The following DCDC2 variants were observed in gnomAD, a reference collection of about 807,000 sequenced individuals.
DCDC2 encodes doublecortin domain containing 2, also known as doublecortin domain-containing protein 2.
DCDC2 carries 40 observed loss-of-function variants against 50.2 expected under a neutral mutation model. The ratio of observed to expected loss-of-function variants is 0.80; its 90% CI spans 0.62 to 1.04. DCDC2 has a LOEUF of 1.04. DCDC2 is among the 50% of genes least tolerant of loss of function. The probability of loss-of-function intolerance (pLI) is 0.00; values close to 1 mark genes in which losing one functional copy is unlikely to be tolerated. For missense variants in DCDC2, 570 were observed against 581.9 expected (o/e 0.98, Z 0.21); for synonymous variants, 234 against 210.6 (o/e 1.11, Z -0.96).
At chr6:24,214,670 T>C (rs1761938580) in intron 7 of DCDC2, among the ~76,000 whole-genome samples, 1 of 152,240 alleles carries the variant, frequency 6.6e-6, no homozygotes, top group Non-Finnish European at 1.5e-5. Flanking sequence ...AAATTAGTTT[T>C]AGTTCATCAG....
intron 7 of DCDC2, among the ~76,000 whole-genome samples, chr6:24,248,393 G>A (rs929172558): frequency 1.3e-5 from 2 of 152,160 alleles, no homozygotes; most frequent in Admixed American, 6.5e-5. Context: ...CTGTAAAACT[G>A]AGATAGTAGC....
chr6:24,255,512 C>A (rs190697631), intron 7 of DCDC2, among the ~76,000 whole-genome samples: 281 of 151,964 alleles, frequency 1.8e-3, no homozygotes, highest in African/African-American at 6.4e-3. Context: ...TGATGACAAG[C>A]CACAGAATGG....
At chr6:24,254,604 G>T (rs1762856046) in intron 7 of DCDC2, among the ~76,000 whole-genome samples, 1 of 152,044 alleles carries the variant, frequency 6.6e-6, no homozygotes, top group African/African-American at 2.4e-5. Context: ...ACTTAACAAT[G>T]ATTTTATTTA....
chr6:24,358,700 T>TA (rs200285297), upstream of DCDC2, among the ~76,000 whole-genome samples: 46,598 of 102,056 alleles, frequency 0.46, 11,629 homozygotes, highest in Non-Finnish European at 0.54. Context: ...AAATATATAT[T>TA]TTTTTTATAT....
intron 7 of DCDC2, among the ~76,000 whole-genome samples, chr6:24,234,760 T>C (rs1015850346): frequency 1.3e-5 from 2 of 152,190 alleles, no homozygotes. Flanking sequence ...GTTTTAGGGA[T>C]GTTGGGTACA....
At chr6:24,248,635 G>T (rs981503668) in intron 7 of DCDC2, among the ~76,000 whole-genome samples, 2 of 152,026 alleles carry the variant, frequency 1.3e-5, no homozygotes, top group African/African-American at 4.8e-5. Flanking sequence ...ACTAAGAGGC[G>T]AATTTAATTT....
intron 2 of DCDC2, among the ~76,000 whole-genome samples, chr6:24,312,961 T>C (rs1268215783): frequency 6.6e-6 from 1 of 152,172 alleles, no homozygotes; most frequent in Non-Finnish European, 1.5e-5. Flanking sequence ...AATGTAAGTA[T>C]ATATTAAGTA....
intron 6 of DCDC2, among the ~76,000 whole-genome samples, chr6:24,285,166 T>C (rs1037737771): frequency 6.6e-6 from 1 of 152,052 alleles, no homozygotes; most frequent in Non-Finnish European, 1.5e-5. Flanking sequence ...GTGAGTATGT[T>C]TGGAATGGAT....
At chr6:24,212,583 T>C (rs774754210) in intron 7 of DCDC2, among the ~76,000 whole-genome samples, 3 of 152,204 alleles carry the variant, frequency 2.0e-5, no homozygotes, top group African/African-American at 4.8e-5. Context: ...AGCCATTTGC[T>C]AACAAACTAA....
intron 6 of DCDC2, among the ~76,000 whole-genome samples, chr6:24,279,518 T>C (rs979697178): frequency 1.3e-5 from 2 of 152,110 alleles, no homozygotes; most frequent in African/African-American, 2.4e-5. Flanking sequence ...GAGTTTGAGA[T>C]TGCAGTGTGC....
intron 6 of DCDC2, among the ~76,000 whole-genome samples, chr6:24,282,435 G>A (rs1415671729): frequency 6.6e-6 from 1 of 151,384 alleles, no homozygotes; most frequent in Non-Finnish European, 1.5e-5. Context: ...TAGAGAAGGG[G>A]TTTCACCATG....
Position 24,238,233 on chromosome 6 carries a change from G to T in DCDC2, c.923-33131C>A, listed in dbSNP as rs186380473. 3.1e-3 allele frequency among the ~76,000 whole-genome samples: 438 copies of T among 140,068 alleles called. 5 individuals carry two copies. The highest frequency in any genetic ancestry group is 0.011 in the African/African-American group (411 of 36,582). 91.9% of individuals were successfully genotyped at this position (140,068 alleles called of 152,430 possible). A position where few individuals can be genotyped will look rare whatever the true frequency, so the allele number is the denominator to read the frequency against. ...TCTAAAACCACTGATTGTGATCCTG[G>T]GGTGTAATCATCCCTGCACAAGTCA... On this transcript the variant is annotated intron_variant, in intron 7 of 9. Coordinates refer to ENST00000378454, the MANE Select transcript of DCDC2 (RefSeq NM_016356.5).
chr6:24,199,159 C>T (rs1481968546), intron 8 of DCDC2, among the ~76,000 whole-genome samples: 1 of 152,228 alleles, frequency 6.6e-6, no homozygotes, highest in Non-Finnish European at 1.5e-5. Context: ...TCGAGCTCTG[C>T]TAAGGGATGG....
intron 2 of DCDC2, among the ~76,000 whole-genome samples, chr6:24,319,965 CCT>C (rs1759742246): frequency 6.6e-6 from 1 of 152,002 alleles, no homozygotes; most frequent in East Asian, 1.9e-4. Context: ...AACAAATGAA[CCT>C]AACTGTGTTA....
At chr6:24,280,432 G>C (rs1160114710) in intron 6 of DCDC2, among the ~76,000 whole-genome samples, 1 of 149,956 alleles carries the variant, frequency 6.7e-6, no homozygotes, top group East Asian at 2.0e-4. Context: ...GCCATAAACT[G>C]TCTGGCAGAA....
At chr6:24,348,929 C>A (rs969705798) in intron 2 of DCDC2, among the ~76,000 whole-genome samples, 2 of 152,220 alleles carry the variant, frequency 1.3e-5, no homozygotes, top group African/African-American at 4.8e-5. Flanking sequence ...TCTAAGTGCT[C>A]CAAAGTCAAG....
chr6:24,193,643 T>C (rs559081105), intron 8 of DCDC2, among the ~76,000 whole-genome samples: 1 of 152,208 alleles, frequency 6.6e-6, no homozygotes, highest in South Asian at 2.1e-4. Context: ...CCTAAATGGT[T>C]CAACTAAGAA....
chr6:24,305,389 T>C (rs1759452225), intron 2 of DCDC2, among the ~76,000 whole-genome samples: 1 of 152,136 alleles, frequency 6.6e-6, no homozygotes, highest in East Asian at 1.9e-4. Context: ...TCAGATACAC[T>C]AAAAATCTGA....
At chr6:24,305,923 G>A (rs1759465070) in intron 2 of DCDC2, among the ~76,000 whole-genome samples, 1 of 152,020 alleles carries the variant, frequency 6.6e-6, no homozygotes. Context: ...CAACTACTTG[G>A]AAGCTGAGGG....
Sources: gnomAD v4.1 joint callset for allele counts (sites outside exome capture counted in the v4.1 genomes callset) on GRCh38, gnomAD v4.1.1 for gene constraint, MANE v1.5 for transcripts, NCBI Gene and HGNC (gene_info 2026-07-23, HGNC 2026-07-21) for gene names.